Variants in ERICH1 observed in about 807,000 individuals in gnomAD.
ERICH1 encodes glutamate rich 1, also known as glutamate-rich protein 1.
In ERICH1, 56 loss-of-function variants were observed where a neutral mutation model predicts 39.6. The observed-to-expected ratio is 1.41, with a 90% CI of 1.14 to 1.77. The LOEUF (loss-of-function observed/expected upper bound fraction) is 1.77. Ranked by LOEUF, ERICH1 falls within the 40% of genes most tolerant of loss-of-function variation. The probability of loss-of-function intolerance (pLI) is 0.00; values close to 1 mark genes in which losing one functional copy is unlikely to be tolerated. For synonymous variants in ERICH1, 313 were observed against 223.6 expected, an observed-to-expected ratio of 1.40 and a Z score of -3.57; for missense variants, 826 against 575.4, an observed-to-expected ratio of 1.44 and a Z score of -4.45.
At position 715,903 on chromosome 8, in the gene ERICH1, T is replaced by C. The variant is rs1428663358; in HGVS notation, c.127A>G (p.Thr43Ala). Reference protein sequence around the residue: ...LAVQNPPKKVTSEKVSQKHAE... With the variant: ...LAVQNPPKKVASEKVSQKHAE... ...TGTTTCTGGCTCACTTTCTCAGAGG[T>C]CACTTTCTTTGGTGGATTTTGGACG... The change falls in exon 2 of 6, where the codon ACC becomes GCC. Residue 43 changes from threonine (T) to alanine (A), a missense_variant. Coordinates refer to ENST00000262109, the MANE Select transcript of ERICH1 (RefSeq NM_207332.3). 1.9e-6 allele frequency: 3 copies of C among 1,613,886 alleles called. No homozygotes were observed. The highest frequency in any genetic ancestry group is 2.5e-6 in the Non-Finnish European group (3 of 1,179,926).
chr8:693,396 TGCATACTTTTAATGGCTACATCA>T (rs1023114829), intron 2 of ERICH1, among the ~76,000 whole-genome samples: 2 of 152,258 alleles, frequency 1.3e-5, no homozygotes, highest in Non-Finnish European at 2.9e-5. Context: ...AACTTAAATC[TGCATACTTTTAATGGCTACATCA>T]TATCCCATGC....
Position 669,027 on chromosome 8 carries a change from C to A in ERICH1, c.1064-235G>T, listed in dbSNP as rs530395363. The A allele has an allele frequency of 1.0e-3, 525 of 525,492 alleles. 2 individuals are homozygous for A. The highest frequency in any genetic ancestry group is 9.6e-3 in the African/African-American group (484 of 50,544). The allele number at this position is 525,492 out of a possible 1,614,324, so 32.6% of individuals were successfully genotyped here. ...TACACCTCTGTCTGGTGAGACGCCT[C>A]CCCTGGCCCATCTACACCTCTGTCT... On this transcript the variant is annotated intron_variant, in intron 4 of 5. Transcript: ENST00000262109.
chr8:661,925 C>A (rs1294850004), downstream of ERICH1, among the ~76,000 whole-genome samples: 1 of 152,132 alleles, frequency 6.6e-6, no homozygotes. Context: ...TGACCCACCA[C>A]CCCCCGCAGT....
intron 1 of ERICH1, among the ~76,000 whole-genome samples, chr8:729,364 A>G (rs796709390): frequency 1.1e-4 from 17 of 152,324 alleles, no homozygotes; most frequent in African/African-American, 3.6e-4. Context: ...CATCCCTGCA[A>G]GGGGACACGC....
At chr8:705,222 G>A (rs1585515754) in intron 2 of ERICH1, among the ~76,000 whole-genome samples, 1 of 152,252 alleles carries the variant, frequency 6.6e-6, no homozygotes, top group Non-Finnish European at 1.5e-5. Flanking sequence ...TGTGGGCACT[G>A]TTCCTCATCC....
At chr8:631,720 C>G (rs577385354) in intron 3 of ERICH1, among the ~76,000 whole-genome samples, 2 of 152,324 alleles carry the variant, frequency 1.3e-5, no homozygotes, top group African/African-American at 4.8e-5. Context: ...GCGCTTCACA[C>G]TGGTGCAGCC....
chr8:730,755 G>T (rs1299801970), intron 1 of ERICH1, among the ~76,000 whole-genome samples: 2 of 152,220 alleles, frequency 1.3e-5, no homozygotes, highest in Non-Finnish European at 2.9e-5. Flanking sequence ...GAGGCTGCCG[G>T]AGCCGGCTGC....
intron 3 of ERICH1, among the ~76,000 whole-genome samples, chr8:642,336 CTTTTTTTTT>C (rs33990765): frequency 3.0e-3 from 184 of 60,480 alleles, no homozygotes; most frequent in Middle Eastern, 0.018. Context: ...ATGGTCTGGA[CTTTTTTTTT>C]TTTTTTTTTT....
chr8:693,526 G>T lies in ERICH1; in HGVS notation c.170-914C>A, dbSNP rs184292652. ...TGCAGACGGCTGCTGGAACCTCCCC[G>T]CTGTATGCTCCTCTACCAGAGGTCG... is the stretch of plus-strand genomic sequence containing the variant. On this transcript the variant is annotated intron_variant, in intron 2 of 5. Transcript: ENST00000262109. Among the ~76,000 whole-genome samples the T allele has an allele frequency of 1.2e-4, 19 of 152,268 alleles. No individual in the cohort carries two copies. In the South Asian group the frequency reaches 3.9e-3, roughly 32 times the overall value.
chr8:656,788 T>G, intron 3 of ERICH1: 1 of 985,442 alleles, frequency 1.0e-6, no homozygotes, highest in Non-Finnish European at 1.2e-6. Flanking sequence ...CAGCAGTGGT[T>G]CCCAGACTCC....
At chr8:625,768 T>C (rs1318768246) in intron 3 of ERICH1, 1 of 152,196 alleles carries the variant, frequency 6.6e-6, no homozygotes, top group African/African-American at 2.4e-5. Context: ...GTCTCAAGTG[T>C]TCCGTCGTTG....
At chr8:626,890 C>A in intron 3 of ERICH1, 1 of 302,574 alleles carries the variant, frequency 3.3e-6, no homozygotes, top group South Asian at 2.8e-5. Flanking sequence ...GCGGTTGGAA[C>A]CTGTTCATTC....
intron 3 of ERICH1, among the ~76,000 whole-genome samples, chr8:675,672 G>C (rs1476337253): frequency 5.9e-4 from 1 of 1,706 alleles, no homozygotes; most frequent in Admixed American, 4.9e-3. Flanking sequence ...AGACGCGGCG[G>C]CCCCTCGTGA....
chr8:662,832 C>T (rs1276911870), downstream of ERICH1, among the ~76,000 whole-genome samples: 2 of 152,104 alleles, frequency 1.3e-5, no homozygotes, highest in East Asian at 1.9e-4. Flanking sequence ...GCCACTCCCA[C>T]GCCTCACAAT....
In ERICH1 at chr8:647,312, T is replaced by C. The variant is rs1337558839; in HGVS notation, c.976+21286A>G. Among the ~76,000 whole-genome samples, 3 of 67,442 alleles carry C rather than the reference T, an allele frequency of 4.4e-5. 1 individual carries two copies. Among genetic ancestry groups the C allele is most frequent in the African/African-American group, 1.2e-4 (3 of 25,882 alleles). 44.2% of individuals were successfully genotyped at this position (67,442 alleles called of 152,430 possible). On this transcript the variant is annotated intron_variant, in intron 3 of 3. Coordinates refer to the ERICH1 transcript ENST00000522706. The stretch of plus-strand genomic sequence containing the variant: ...GACAAGACGCGTGAACCTTACCAAG[T>C]GGATGCTGAGTCTGTGGTCATAATA...
chr8:722,782 G>A (rs1417314770), intron 1 of ERICH1, among the ~76,000 whole-genome samples: 1 of 152,208 alleles, frequency 6.6e-6, no homozygotes, highest in Non-Finnish European at 1.5e-5. Context: ...GCTTATTTGG[G>A]AATGTGAAGA....
intron 2 of ERICH1, among the ~76,000 whole-genome samples, chr8:705,497 T>C (rs1813066398): frequency 6.6e-6 from 1 of 151,982 alleles, no homozygotes; most frequent in Admixed American, 6.6e-5. Flanking sequence ...TAAAAAAAAA[T>C]CAATAAACTG....
intron 3 of ERICH1, among the ~76,000 whole-genome samples, chr8:641,681 C>A (rs1303592006): frequency 2.0e-5 from 3 of 152,238 alleles, no homozygotes; most frequent in Admixed American, 1.3e-4. Context: ...GCCGTCACGC[C>A]TGGGTACGCT....
chr8:706,173 A>G (rs1403174124), intron 2 of ERICH1, among the ~76,000 whole-genome samples: 1 of 152,194 alleles, frequency 6.6e-6, no homozygotes, highest in African/African-American at 2.4e-5. Context: ...CTCACACAGC[A>G]ATGGACTCCT....
Sources: gnomAD v4.1 joint callset for allele counts (sites outside exome capture counted in the v4.1 genomes callset) on GRCh38, gnomAD v4.1.1 for gene constraint, MANE v1.5 for transcripts, NCBI Gene and HGNC (gene_info 2026-07-23, HGNC 2026-07-21) for gene names.